CAPZB: variants seen among roughly 807,000 people sequenced by gnomAD.
CAPZB encodes the protein capping actin protein of muscle Z-line subunit beta, also known as F-actin-capping protein subunit beta.
A neutral mutation model predicts 38.1 loss-of-function variants in CAPZB; 2 were observed. That is an observed-to-expected ratio of 0.05 (90% CI 0.02 to 0.17). The LOEUF is 0.17. Among genes scored for constraint, CAPZB ranks in the 10% least tolerant of loss-of-function variants. The probability of loss-of-function intolerance (pLI) is 1.00; values close to 1 mark genes in which losing one functional copy is unlikely to be tolerated. For synonymous variants in CAPZB, 107 were observed against 127.4 expected (o/e 0.84, Z 1.08); for missense variants, 161 against 334.2 (o/e 0.48, Z 4.04).
At chr1:19,385,263 A>G (rs765152386) in intron 3 of CAPZB, among the ~76,000 whole-genome samples, 7 of 152,186 alleles carry the variant, frequency 4.6e-5, no homozygotes, top group African/African-American at 1.4e-4. Flanking sequence ...CCGCTGCTCT[A>G]TCTCTCATGC....
At chr1:19,364,795 T>C (rs2094074036) in intron 4 of CAPZB, among the ~76,000 whole-genome samples, 1 of 152,166 alleles carries the variant, frequency 6.6e-6, no homozygotes, top group Non-Finnish European at 1.5e-5. Flanking sequence ...ACCTAATCCA[T>C]GCTACACATA....
At chr1:19,430,284 A>C (rs1281113652) in intron 1 of CAPZB, among the ~76,000 whole-genome samples, 1 of 152,116 alleles carries the variant, frequency 6.6e-6, no homozygotes, top group Non-Finnish European at 1.5e-5. Flanking sequence ...CTCTGTGTCA[A>C]ACTCTACAAC....
intron 4 of CAPZB, among the ~76,000 whole-genome samples, chr1:19,364,233 G>T (rs2094070649): frequency 6.6e-6 from 1 of 152,200 alleles, no homozygotes; most frequent in African/African-American, 2.4e-5. Flanking sequence ...CAAAGAGCTG[G>T]ATCAGAGGCC....
At chr1:19,450,144 CAAAAA>C (rs71008167) in intron 1 of CAPZB, among the ~76,000 whole-genome samples, 1,250 of 35,158 alleles carry the variant, frequency 0.036, 7 homozygotes, top group African/African-American at 0.086. Context: ...ACCCTGTCTC[CAAAAA>C]AAAAAAAAAA....
At chr1:19,471,724 A>G (rs984691251) in intron 1 of CAPZB, among the ~76,000 whole-genome samples, 11 of 152,030 alleles carry the variant, frequency 7.2e-5, no homozygotes, top group South Asian at 2.1e-4. Context: ...AAAATTAGCC[A>G]GGCGTGGTGG....
intron 4 of CAPZB, among the ~76,000 whole-genome samples, chr1:19,369,809 G>C (rs572756057): frequency 2.6e-5 from 4 of 152,328 alleles, no homozygotes; most frequent in Admixed American, 2.6e-4. Context: ...ATGTTCTTAA[G>C]CATTCTCCGT....
intron 6 of CAPZB, among the ~76,000 whole-genome samples, chr1:19,348,479 C>T (rs2093974210): frequency 6.6e-6 from 1 of 152,066 alleles, no homozygotes; most frequent in South Asian, 2.1e-4. Flanking sequence ...AGAACTAGGG[C>T]TATCCAGGCC....
chr1:19,419,681 G>A lies in CAPZB; in HGVS notation c.73C>T (p.Leu25Phe). The change falls in exon 2 of 9, where the codon CTC becomes TTC. Residue 25 changes from leucine to phenylalanine, a missense_variant. By Grantham distance (22) the Leu-to-Phe change is conservative. Coordinates refer to ENST00000264202, the MANE Select transcript of CAPZB (RefSeq NM_004930.5). ...CGTACCAGGTCGATCAGGTCGCTGAGGTTTTTCTCGATTTGCTGGGGAGGC... is the reference window on the plus strand; with the variant it reads ...CGTACCAGGTCGATCAGGTCGCTGAAGTTTTTCTCGATTTGCTGGGGAGGC... ...RLPPQQIEKN[L>F]SDLIDLVPSL... 6.3e-7 allele frequency: 1 copy of A among 1,594,960 alleles called. No individual in the cohort carries two copies. Among genetic ancestry groups the A allele is most frequent in the Non-Finnish European group, 8.6e-7 (1 of 1,169,104 alleles).
chr1:19,374,336 C>T (rs2094134189), intron 4 of CAPZB: 1 of 152,272 alleles, frequency 6.6e-6, no homozygotes, highest in South Asian at 2.1e-4. Context: ...TTCTGAGCTC[C>T]AACGTGGCAG....
chr1:19,465,956 C>A (rs560941619), intron 1 of CAPZB, among the ~76,000 whole-genome samples: 2 of 152,230 alleles, frequency 1.3e-5, no homozygotes, highest in African/African-American at 2.4e-5. Flanking sequence ...AGCCTCAAAT[C>A]GATCCTATGA....
intron 1 of CAPZB, among the ~76,000 whole-genome samples, chr1:19,427,537 G>A (rs1041261767): frequency 5.3e-5 from 8 of 152,236 alleles, no homozygotes; most frequent in Non-Finnish European, 7.3e-5. Flanking sequence ...CATGTGGCCC[G>A]GGAACAGTTT....
intron 1 of CAPZB, among the ~76,000 whole-genome samples, chr1:19,474,178 T>G (rs2100790884): frequency 6.6e-6 from 1 of 152,226 alleles, no homozygotes; most frequent in African/African-American, 2.4e-5. Context: ...GTATTTTTTG[T>G]AGAGACAGGA....
intron 1 of CAPZB, among the ~76,000 whole-genome samples, chr1:19,425,394 C>T (rs199899718): frequency 9.8e-6 from 1 of 101,862 alleles, no homozygotes; most frequent in Admixed American, 1.1e-4. Context: ...GAGTGGTGAA[C>T]ATAAAAGTCT....
intron 2 of CAPZB, among the ~76,000 whole-genome samples, chr1:19,390,422 T>C (rs1011186459): frequency 6.6e-6 from 1 of 152,374 alleles, no homozygotes; most frequent in East Asian, 1.9e-4. Flanking sequence ...CCTAACGGCC[T>C]TGGAGGGAAG....
chr1:19,471,709 C>CA (rs1171709818), intron 1 of CAPZB, among the ~76,000 whole-genome samples: 2 of 151,098 alleles, frequency 1.3e-5, no homozygotes, highest in Admixed American at 6.6e-5. Flanking sequence ...CTAAAAATAC[C>CA]AAAAAAAATT....
chr1:19,438,234 A>G (rs2094464382), intron 1 of CAPZB, among the ~76,000 whole-genome samples: 1 of 152,190 alleles, frequency 6.6e-6, no homozygotes, highest in Non-Finnish European at 1.5e-5. Flanking sequence ...GTGCGCGATC[A>G]GAGACGGGAG....
intron 2 of CAPZB, among the ~76,000 whole-genome samples, chr1:19,408,528 G>A (rs552782220): frequency 6.6e-6 from 1 of 152,188 alleles, no homozygotes; most frequent in African/African-American, 2.4e-5. Context: ...GGCCCCTGCC[G>A]GCTCTGTTCT....
intron 2 of CAPZB, among the ~76,000 whole-genome samples, chr1:19,418,491 G>A (rs1206428563): frequency 2.0e-5 from 3 of 152,040 alleles, no homozygotes; most frequent in African/African-American, 7.2e-5. Context: ...CCTTCTCTCC[G>A]CTTACATCAC....
intron 1 of CAPZB, among the ~76,000 whole-genome samples, chr1:19,427,957 C>A (rs977008953): frequency 1.3e-5 from 2 of 152,166 alleles, no homozygotes; most frequent in African/African-American, 4.8e-5. Context: ...CCATTCTAGT[C>A]CTACTCTGAC....
Sources: allele counts gnomAD v4.1 joint callset (sites outside exome capture counted in the v4.1 genomes callset), GRCh38; gene constraint gnomAD v4.1.1; transcripts MANE v1.5; gene names NCBI Gene and HGNC (gene_info 2026-07-23, HGNC 2026-07-21).